Variants in MAPKAPK2 observed in about 807,000 individuals in gnomAD.
The protein encoded by MAPKAPK2 is MAPK activated protein kinase 2.
MAPKAPK2 carries 9 observed loss-of-function variants against 48.8 expected under a neutral mutation model. The ratio of observed to expected loss-of-function variants is 0.18; its 90% confidence interval spans 0.11 to 0.32. MAPKAPK2 has a LOEUF of 0.32. Among genes scored for constraint, MAPKAPK2 ranks in the 10% least tolerant of loss-of-function variants. MAPKAPK2 has a pLI of 1.00. For missense variants in MAPKAPK2, 331 were observed against 498.3 expected (o/e 0.66, Z 3.20); for synonymous variants, 202 against 190.6 (o/e 1.06, Z -0.49).
At position 206,731,850 on chromosome 1, in the gene MAPKAPK2, G is replaced by C; in HGVS notation, c.990G>C (p.Lys330Asn). 1 of 1,614,058 alleles carries C rather than the reference G, an allele frequency of 6.2e-7. No individual in the cohort carries two copies. Among genetic ancestry groups the C allele is most frequent in the Non-Finnish European group, 8.5e-7 (1 of 1,180,000 alleles). ...MNHPWIMQST[K>N]VPQTPLHTSR... ...TTCTCTCTTCTCAGCAATCAACAAA[G>C]GTCCCTCAAACCCCACTGCACACCA... The change falls in exon 9 of 10, where the codon AAG (lysine) becomes AAC (asparagine). Residue 330 changes from lysine to asparagine, a missense_variant. Transcript: ENST00000367103. The surrounding 1 kb of genome is among the most constrained non-coding windows in gnomAD (Gnocchi z 5.9).
intron 1 of MAPKAPK2, among the ~76,000 whole-genome samples, chr1:206,690,013 G>A (rs1408994203): frequency 1.3e-5 from 2 of 152,200 alleles, no homozygotes; most frequent in Non-Finnish European, 2.9e-5. Flanking sequence ...CCTCTGAGGA[G>A]TGAGCAAGTC....
At chr1:206,695,306 T>C (rs1397755340) in intron 1 of MAPKAPK2, among the ~76,000 whole-genome samples, 1 of 152,156 alleles carries the variant, frequency 6.6e-6, no homozygotes, top group Non-Finnish European at 1.5e-5. Flanking sequence ...CTTGCCCCCA[T>C]GATTCTTCGG....
At chr1:206,705,378 C>G (rs782185426) in intron 1 of MAPKAPK2, among the ~76,000 whole-genome samples, 2 of 152,120 alleles carry the variant, frequency 1.3e-5, no homozygotes, top group Non-Finnish European at 2.9e-5. Context: ...ATCTGTCATG[C>G]CTGGGAAGCA....
intron 1 of MAPKAPK2, among the ~76,000 whole-genome samples, chr1:206,699,970 C>G (rs1672745550): frequency 6.8e-6 from 1 of 147,660 alleles, no homozygotes; most frequent in Non-Finnish European, 1.5e-5. Context: ...CTCTCTCTCT[C>G]TCTTCTTTTT....
At chr1:206,700,826 A>C (rs1422632718) in intron 1 of MAPKAPK2, among the ~76,000 whole-genome samples, 2 of 152,228 alleles carry the variant, frequency 1.3e-5, no homozygotes, top group African/African-American at 4.8e-5. Flanking sequence ...TAGTCAACTA[A>C]GGGATGTTGT....
At chr1:206,730,160 T>G in intron 5 of MAPKAPK2, 62 bp downstream of exon 5, 1 of 1,602,642 alleles carries the variant, frequency 6.2e-7, no homozygotes, top group Non-Finnish European at 8.5e-7. Context: ...GCCCCTCCTC[T>G]TGGCTATCTG....
intron 1 of MAPKAPK2, among the ~76,000 whole-genome samples, chr1:206,725,615 T>A (rs1553431778): frequency 2.6e-5 from 4 of 152,200 alleles, no homozygotes; most frequent in Non-Finnish European, 1.5e-5. Context: ...TAGACCTCTC[T>A]GTGAGGCTGT....
chr1:206,721,382 C>T (rs1275367643), intron 1 of MAPKAPK2, among the ~76,000 whole-genome samples: 1 of 152,086 alleles, frequency 6.6e-6, no homozygotes, highest in Non-Finnish European at 1.5e-5. Flanking sequence ...GCAAAGTAGA[C>T]TAATAAGTTT....
At chr1:206,715,081 G>A (rs1046706397) in intron 1 of MAPKAPK2, among the ~76,000 whole-genome samples, 1 of 152,190 alleles carries the variant, frequency 6.6e-6, no homozygotes, top group Non-Finnish European at 1.5e-5. Flanking sequence ...TTGTAAGTTG[G>A]TTTATGGTCT....
chr1:206,727,397 A>C (rs1170214987), intron 1 of MAPKAPK2, among the ~76,000 whole-genome samples: 1 of 152,202 alleles, frequency 6.6e-6, no homozygotes, highest in African/African-American at 2.4e-5. Context: ...CAGCTTAAAC[A>C]GTAAGAAGAG....
Position 206,734,102 on chromosome 1 carries a change from C to T in MAPKAPK2, c.*1384C>T, listed in dbSNP as rs1055491366. The T allele has an allele frequency of 1.3e-5, 2 of 152,710 alleles. No homozygotes were observed. Among genetic ancestry groups the T allele is most frequent in the Admixed American group, 6.5e-5 (1 of 15,280 alleles). The allele number at this position is 152,710 out of a possible 1,614,324, so 9.5% of individuals were successfully genotyped here. Reference sequence around the variant, plus strand: ...AGGGAGAGGTGGCAGGAATACTTCACCTTTCCTCTCCCTCAGGGGCAGGTG... The same window carrying T: ...AGGGAGAGGTGGCAGGAATACTTCATCTTTCCTCTCCCTCAGGGGCAGGTG... On this transcript the variant is annotated 3_prime_UTR_variant, in exon 10 of 10. Coordinates refer to ENST00000367103, the MANE Select transcript of MAPKAPK2 (RefSeq NM_032960.4).
At chr1:206,688,407 TC>T (rs1470888806) in intron 1 of MAPKAPK2, among the ~76,000 whole-genome samples, 2 of 152,098 alleles carry the variant, frequency 1.3e-5, no homozygotes, top group African/African-American at 4.8e-5. Context: ...CCAGGGTGCT[TC>T]CAGCCTGAGG....
chr1:206,724,011 A>T (rs76183120), intron 1 of MAPKAPK2, among the ~76,000 whole-genome samples: 7 of 152,222 alleles, frequency 4.6e-5, no homozygotes, highest in Non-Finnish European at 1.0e-4. Flanking sequence ...GTGAGTCACA[A>T]TGTTGGACCG....
chr1:206,715,910 C>G (rs757523592), intron 1 of MAPKAPK2, among the ~76,000 whole-genome samples: 2 of 152,052 alleles, frequency 1.3e-5, no homozygotes, highest in Non-Finnish European at 2.9e-5. Context: ...CCTCAGCCTC[C>G]CAAAGTGCTG....
At position 206,732,306 on chromosome 1, in the gene MAPKAPK2, C is replaced by G. The variant is rs1157732552; in HGVS notation, c.1060-269C>G. ...GACCCAGGTTTCCTGACTCCTGGCC[C>G]AAGTCTCTTCCTCCTATCCTGCGGG... On this transcript the variant is annotated intron_variant, in intron 9 of 9. Coordinates refer to ENST00000367103, the MANE Select transcript of MAPKAPK2 (RefSeq NM_032960.4). The surrounding 1 kb of genome is among the most constrained non-coding windows in gnomAD (Gnocchi z 4.4). The G allele has an allele frequency of 5.5e-6, 8 of 1,446,566 alleles. No individual in the cohort carries two copies. The highest frequency in any genetic ancestry group is 6.3e-6 in the Non-Finnish European group (7 of 1,104,020). 89.6% of individuals were successfully genotyped at this position (1,446,566 alleles called of 1,614,324 possible).
At position 206,724,633 on chromosome 1, in the gene MAPKAPK2, T is replaced by A. The variant is rs554857210; in HGVS notation, c.280-4077T>A. Reference sequence around the variant, plus strand: ...GCAATGACCAGTCTTCATGGGAAATTCTTGCTAAGTTTCTCTAAGAAATTT... The same window carrying A: ...GCAATGACCAGTCTTCATGGGAAATACTTGCTAAGTTTCTCTAAGAAATTT... On this transcript the variant is annotated intron_variant, in intron 1 of 9. Coordinates refer to ENST00000367103, the MANE Select transcript of MAPKAPK2 (RefSeq NM_032960.4). 5.3e-5 allele frequency among the ~76,000 whole-genome samples: 8 copies of A among 152,036 alleles called. No individual in the cohort carries two copies. The South Asian group carries it at 1.7e-3, about 32-fold the overall frequency.
chr1:206,702,266 A>G (rs1261302840), intron 1 of MAPKAPK2, among the ~76,000 whole-genome samples: 2 of 152,228 alleles, frequency 1.3e-5, no homozygotes, highest in African/African-American at 4.8e-5. Context: ...AGCCTCGCAG[A>G]ACCGTCATCT....
At chr1:206,699,836 A>T (rs781804189) in intron 1 of MAPKAPK2, among the ~76,000 whole-genome samples, 32 of 152,086 alleles carry the variant, frequency 2.1e-4, no homozygotes, top group Non-Finnish European at 3.5e-4. Flanking sequence ...GTTAGTGCAG[A>T]TGGGAAAGTG....
Position 206,685,342 on chromosome 1 carries a change from C to A in MAPKAPK2, c.113C>A (p.Pro38Gln). ...LPHPPAQPPP[P>Q]PPQQFPQFHV... ...CACCCCCCGGCGCAGCCGCCGCCGC[C>A]GCCCCCGCAGCAGTTCCCGCAGTTC... The change falls in exon 1 of 10, where the codon CCG becomes CAG. Residue 38 changes from proline to glutamine, a missense_variant. This residue lies in a region of MAPKAPK2 where 93 missense variants were observed against 81.0 expected (regional missense o/e 1.15). Coordinates refer to ENST00000367103, the MANE Select transcript of MAPKAPK2 (RefSeq NM_032960.4). 6.7e-7 allele frequency: 1 copy of A among 1,483,406 alleles called. No homozygotes were observed. 91.9% of individuals were successfully genotyped at this position (1,483,406 alleles called of 1,614,324 possible).
Sources: gnomAD v4.1 joint callset for allele counts (sites outside exome capture counted in the v4.1 genomes callset) on GRCh38, gnomAD v4.1.1 for gene constraint, gnomAD v4.1.1 regional missense constraint, Gnocchi (gnomAD v3.1) non-coding constraint, MANE v1.5 for transcripts, NCBI Gene and HGNC (gene_info 2026-07-23, HGNC 2026-07-21) for gene names.